Variants in AUH observed in about 807,000 individuals in gnomAD.
AUH encodes the protein methylglutaconyl-CoA hydratase, mitochondrial.
Under a neutral mutation model 42.3 loss-of-function variants are expected in AUH, and 29 were observed. The ratio of observed to expected loss-of-function variants is 0.69; its 90% CI spans 0.51 to 0.93. AUH has a LOEUF of 0.93. Among genes scored for constraint, AUH ranks in the 40% least tolerant of loss-of-function variants. AUH has a pLI of 0.00. For missense variants in AUH, 452 were observed against 438.1 expected, an observed-to-expected ratio of 1.03 and a Z score of -0.28; for synonymous variants, 174 against 166.4, an observed-to-expected ratio of 1.05 and a Z score of -0.35.
intron 4 of AUH, among the ~76,000 whole-genome samples, chr9:91,315,993 C>A (rs1829128434): frequency 6.6e-6 from 1 of 152,166 alleles, no homozygotes; most frequent in Non-Finnish European, 1.5e-5. Context: ...AAGATTTATC[C>A]ATATTGGTAC....
chr9:91,261,750 T>G (rs1324994537), intron 6 of AUH, among the ~76,000 whole-genome samples: 1 of 152,340 alleles, frequency 6.6e-6, no homozygotes, highest in Non-Finnish European at 1.5e-5. Flanking sequence ...CCTTAGTAGA[T>G]TATTTTCTCT....
chr9:91,247,345 C>T (rs534043872), intron 6 of AUH, among the ~76,000 whole-genome samples: 7 of 152,150 alleles, frequency 4.6e-5, no homozygotes, highest in South Asian at 2.1e-4. Context: ...CCTTCCCTGC[C>T]TCGCCCCTCA....
chr9:91,237,249 G>C (rs1302690867), intron 6 of AUH, among the ~76,000 whole-genome samples: 1 of 152,212 alleles, frequency 6.6e-6, no homozygotes. Context: ...AGGAGGGAGA[G>C]AGAGAGGCAA....
chr9:91,267,446 T>C (rs1350027258), intron 6 of AUH, among the ~76,000 whole-genome samples: 1 of 152,276 alleles, frequency 6.6e-6, no homozygotes, highest in East Asian at 1.9e-4. Context: ...CTTCTTACGG[T>C]GTCTTGCTCT....
At chr9:91,266,956 GTA>G (rs1830009403) in intron 6 of AUH, among the ~76,000 whole-genome samples, 2 of 152,294 alleles carry the variant, frequency 1.3e-5, no homozygotes, top group Admixed American at 6.5e-5. Flanking sequence ...CTCCGTGTGT[GTA>G]TGTTATATTT....
At chr9:91,302,917 T>A (rs147095229) in intron 4 of AUH, among the ~76,000 whole-genome samples, 390 of 152,304 alleles carry the variant, frequency 2.6e-3, no homozygotes, top group Non-Finnish European at 4.4e-3. Flanking sequence ...GAACTGCGAA[T>A]CCAACGAGCA....
chr9:91,298,521 T>A (rs186082524), intron 4 of AUH, among the ~76,000 whole-genome samples: 27 of 152,344 alleles, frequency 1.8e-4, no homozygotes, highest in Admixed American at 7.8e-4. Context: ...AAGAAAGACA[T>A]CTGCTCAAAC....
At chr9:91,344,947 AATAAT>A (rs1465803981) in intron 3 of AUH, among the ~76,000 whole-genome samples, 1 of 152,164 alleles carries the variant, frequency 6.6e-6, no homozygotes, top group Non-Finnish European at 1.5e-5. Flanking sequence ...CAGGCTGAAA[AATAAT>A]ATGAGAATCT....
chr9:91,303,721 T>C (rs1233800751), intron 4 of AUH, among the ~76,000 whole-genome samples: 3 of 152,228 alleles, frequency 2.0e-5, no homozygotes, highest in African/African-American at 4.8e-5. Context: ...CTATGTAGCA[T>C]TATGCTGGAA....
chr9:91,292,782 T>C (rs1356022017), intron 6 of AUH, among the ~76,000 whole-genome samples: 1 of 152,120 alleles, frequency 6.6e-6, no homozygotes, highest in African/African-American at 2.4e-5. Context: ...AAGCTAAAAA[T>C]AGGGCATACA....
At chr9:91,325,589 T>C (rs1829913539) in intron 3 of AUH, among the ~76,000 whole-genome samples, 185 bp from the exon 4 acceptor site, 1 of 152,220 alleles carries the variant, frequency 6.6e-6, no homozygotes. Flanking sequence ...TATTTGTCTA[T>C]TCATACGTCT....
At chr9:91,341,317 T>C (rs1831083520) in intron 3 of AUH, among the ~76,000 whole-genome samples, 1 of 152,202 alleles carries the variant, frequency 6.6e-6, no homozygotes, top group Non-Finnish European at 1.5e-5. Context: ...GCCCATTCTC[T>C]GCTCACCCCA....
chr9:91,233,554 A>T (rs1026223315), intron 6 of AUH, among the ~76,000 whole-genome samples: 1 of 152,196 alleles, frequency 6.6e-6, no homozygotes, highest in Admixed American at 6.5e-5. Flanking sequence ...AAACAGGGAG[A>T]GGGCCTCTAA....
chr9:91,217,369 T>C (rs549084783), intron 7 of AUH, 42 bp from the exon 8 acceptor site: 1 of 1,577,642 alleles, frequency 6.3e-7, no homozygotes, highest in African/African-American at 1.3e-5. Flanking sequence ...TTATTTTTTA[T>C]GCAAATTATG....
rs552418270 is a variant in AUH, at chr9:91,331,081, T to C, written c.419-5677A>G. Among the ~76,000 whole-genome samples, 57 of 152,280 alleles carry C rather than the reference T, an allele frequency of 3.7e-4. No homozygotes were observed. In the South Asian group the frequency reaches 0.011, roughly 29 times the overall value. On this transcript the variant is annotated intron_variant, in intron 3 of 9. Coordinates refer to ENST00000375731, the MANE Select transcript of AUH (RefSeq NM_001698.3). ...ACGCCCTACCCCCTCCAGCTGCCAA[T>C]TTTTTCCTCCTTTTTACGCCAAACT... is the stretch of plus-strand genomic sequence containing the variant.
intron 4 of AUH, among the ~76,000 whole-genome samples, chr9:91,321,038 G>T (rs1829530407): frequency 6.6e-6 from 1 of 152,140 alleles, no homozygotes; most frequent in Non-Finnish European, 1.5e-5. Context: ...TATGTTTCTT[G>T]AAAAATTGAA....
intron 6 of AUH, among the ~76,000 whole-genome samples, chr9:91,259,724 T>G (rs759644385): frequency 2.0e-5 from 3 of 152,218 alleles, no homozygotes; most frequent in Non-Finnish European, 2.9e-5. Context: ...ATTTTCCAAT[T>G]ATCTGGAGAT....
chr9:91,361,823 C>T lies in AUH; in HGVS notation c.67G>A (p.Val23Met), dbSNP rs1457620975. The part of the protein sequence containing the change: ...GSLHAGGARL[V>M]AACSAWLCPG... ...CAGAGCCACGCACTGCAAGCGGCCA[C>T]CAGGCGGGCGCCGCCAGCATGCAGG... is the stretch of plus-strand genomic sequence containing the variant. Residue 23 changes from valine (V) to methionine (M), a missense_variant, in exon 1 of 10, where the codon GTG becomes ATG. By Grantham distance (21) the Val-to-Met change is conservative (BLOSUM62 1). Coordinates refer to ENST00000375731, the MANE Select transcript of AUH (RefSeq NM_001698.3). 1.3e-6 allele frequency: 2 copies of T among 1,506,812 alleles called. No individual in the cohort carries two copies. Among genetic ancestry groups the T allele is most frequent in the South Asian group, 1.2e-5 (1 of 80,282 alleles). The allele number at this position is 1,506,812 out of a possible 1,614,324, so 93.3% of individuals were successfully genotyped here.
chr9:91,340,946 C>T (rs991338273), intron 3 of AUH, among the ~76,000 whole-genome samples: 1 of 152,204 alleles, frequency 6.6e-6, no homozygotes, highest in African/African-American at 2.4e-5. Context: ...AAATATCTGG[C>T]CTTTTACACA....
Sources: gnomAD v4.1 joint callset for allele counts (sites outside exome capture counted in the v4.1 genomes callset) on GRCh38, gnomAD v4.1.1 for gene constraint, MANE v1.5 for transcripts, NCBI Gene and HGNC (gene_info 2026-07-23, HGNC 2026-07-21) for gene names.